CFAP54: variants seen among roughly 807,000 people sequenced by gnomAD.
CFAP54 encodes cilia- and flagella-associated protein 54.
A neutral mutation model predicts 370.4 loss-of-function variants in CFAP54; 290 were observed. That is an observed-to-expected ratio of 0.78 (90% CI 0.71 to 0.86). The LOEUF (loss-of-function observed/expected upper bound fraction) is 0.86. Among genes scored for constraint, CFAP54 ranks in the 40% least tolerant of loss-of-function variants. CFAP54 has a pLI of 0.00. For synonymous variants in CFAP54, 1,206 were observed against 1,236.5 expected, an observed-to-expected ratio of 0.98 and a Z score of 0.52; for missense variants, 3,399 against 3,528.7, an observed-to-expected ratio of 0.96 and a Z score of 0.93.
At chr12:96,503,834 G>A (rs902071677) in intron 2 of CFAP54, 52 bp from the exon 3 acceptor site, 3 of 1,345,936 alleles carry the variant, frequency 2.2e-6, no homozygotes, top group African/African-American at 3.0e-5. Flanking sequence ...ACCTAATAAT[G>A]ATAAGCTAAA....
At chr12:96,669,273 G>A (rs949683543) in intron 39 of CFAP54, among the ~76,000 whole-genome samples, 1 of 152,166 alleles carries the variant, frequency 6.6e-6, no homozygotes, top group African/African-American at 2.4e-5. Context: ...GAGAACTGAG[G>A]GGAGCTAGTT....
chr12:96,566,502 AAATG>A (rs1317608469), intron 19 of CFAP54, among the ~76,000 whole-genome samples: 1 of 152,182 alleles, frequency 6.6e-6, no homozygotes, highest in African/African-American at 2.4e-5. Context: ...TTTTTAAAAA[AAATG>A]AAGGTATGAG....
intron 34 of CFAP54, among the ~76,000 whole-genome samples, chr12:96,648,736 G>A (rs1592906827): frequency 6.6e-6 from 1 of 151,770 alleles, no homozygotes; most frequent in South Asian, 2.1e-4. Context: ...TTACAGGCAC[G>A]TGCCACCGCG....
intron 44 of CFAP54, among the ~76,000 whole-genome samples, chr12:96,692,601 G>GA (rs1447457465): frequency 3.3e-5 from 5 of 152,276 alleles, no homozygotes; most frequent in Admixed American, 1.3e-4. Flanking sequence ...CATAGTTATA[G>GA]AAAAATGTAT....
chr12:96,729,007 C>T (rs925199214), intron 50 of CFAP54, among the ~76,000 whole-genome samples: 8 of 152,284 alleles, frequency 5.3e-5, no homozygotes, highest in East Asian at 3.9e-4. Flanking sequence ...TCATGAACCG[C>T]GAATGCTGCT....
chr12:96,611,278 G>A (rs183624962), intron 26 of CFAP54, among the ~76,000 whole-genome samples: 61 of 152,334 alleles, frequency 4.0e-4, no homozygotes, highest in Admixed American at 7.8e-4. Flanking sequence ...GGCAAACAGC[G>A]TCTGGAGTGG....
At position 96,650,039 on chromosome 12, in the gene CFAP54, T is replaced by A. The variant is rs780224745; in HGVS notation, c.4839T>A (p.Phe1613Leu). 45 of 1,612,636 alleles carry A rather than the reference T, an allele frequency of 2.8e-5. No individual in the cohort carries two copies. Among genetic ancestry groups the A allele is most frequent in the Non-Finnish European group, 3.6e-5 (42 of 1,179,624 alleles). The change falls in exon 35 of 68, where the codon TTT (phenylalanine) becomes TTA (leucine). Residue 1613 changes from phenylalanine (F) to leucine (L), a missense_variant. By Grantham distance (22) the Phe-to-Leu change is conservative. Coordinates refer to ENST00000524981, the MANE Select transcript of CFAP54 (RefSeq NM_001306084.2). ...RGANLCVMDH[F>L]MKIFLYCRRA... ...CAAATTTGTGTGTAATGGATCATTT[T>A]ATGAAAATCTTTTTATACTGCAGGA... is the stretch of plus-strand genomic sequence containing the variant.
At chr12:96,628,571 T>G (rs889337501) in intron 30 of CFAP54, among the ~76,000 whole-genome samples, 2 of 152,170 alleles carry the variant, frequency 1.3e-5, no homozygotes, top group Non-Finnish European at 2.9e-5. Flanking sequence ...GGCTGCAAGT[T>G]GTGGAGGATG....
intron 43 of CFAP54, among the ~76,000 whole-genome samples, chr12:96,690,546 A>G (rs927281300): frequency 1.3e-5 from 2 of 152,194 alleles, no homozygotes; most frequent in African/African-American, 4.8e-5. Flanking sequence ...TAAGCAGGTA[A>G]AAGTTTGGAA....
intron 55 of CFAP54, among the ~76,000 whole-genome samples, chr12:96,746,679 G>A (rs1958117546): frequency 6.6e-6 from 1 of 152,144 alleles, no homozygotes; most frequent in East Asian, 1.9e-4. Flanking sequence ...GGTCCAAGCT[G>A]ACCTGTGCCC....
chr12:96,875,215 A>G lies in CFAP54; in HGVS notation c.*112A>G, dbSNP rs373910849. ...CTTTGGAAATTTGGTGAGAAGAAGT[A>G]GTCATGATTCAATGTCTTGCTTGCA... is the stretch of plus-strand genomic sequence containing the variant. On this transcript the variant is annotated 3_prime_UTR_variant, in exon 68 of 68. Transcript: ENST00000524981. 6.6e-6 allele frequency: 1 copy of G among 152,376 alleles called. No homozygotes were observed. Among genetic ancestry groups the G allele is most frequent in the African/African-American group, 2.4e-5 (1 of 41,584 alleles). 9.4% of individuals were successfully genotyped at this position (152,376 alleles called of 1,614,324 possible). A position where few individuals can be genotyped will look rare whatever the true frequency, so the allele number is the denominator to read the frequency against.
intron 67 of CFAP54, 107 bp downstream of exon 67, chr12:96,861,059 T>A: frequency 1.4e-6 from 1 of 733,682 alleles, no homozygotes; most frequent in Non-Finnish European, 2.0e-6. Flanking sequence ...TTACACAAGC[T>A]AAATTTCTTT....
chr12:96,670,391 T>C (rs1438523896), intron 39 of CFAP54, among the ~76,000 whole-genome samples: 2 of 152,210 alleles, frequency 1.3e-5, no homozygotes, highest in Non-Finnish European at 2.9e-5. Context: ...AGGTTTGTTA[T>C]TGTCTCTATT....
At chr12:96,641,294 A>G (rs1474408886) in intron 32 of CFAP54, among the ~76,000 whole-genome samples, 1 of 152,266 alleles carries the variant, frequency 6.6e-6, no homozygotes, top group Non-Finnish European at 1.5e-5. Flanking sequence ...TCTCAAAAGA[A>G]GACATCTATG....
intron 62 of CFAP54, among the ~76,000 whole-genome samples, chr12:96,787,559 T>C (rs1212666828): frequency 6.6e-6 from 1 of 152,182 alleles, no homozygotes; most frequent in Admixed American, 6.6e-5. Flanking sequence ...AATGAATGTG[T>C]TAAAAGACAC....
intron 22 of CFAP54, among the ~76,000 whole-genome samples, chr12:96,588,760 C>T (rs1956096969): frequency 6.6e-6 from 1 of 152,072 alleles, no homozygotes; most frequent in Non-Finnish European, 1.5e-5. Context: ...TAATGGAGTG[C>T]TTTTTAGGAA....
At chr12:96,638,036 A>G (rs1315276544) in intron 32 of CFAP54, among the ~76,000 whole-genome samples, 2 of 152,170 alleles carry the variant, frequency 1.3e-5, no homozygotes, top group Non-Finnish European at 2.9e-5. Flanking sequence ...TTAACGAAAC[A>G]TTTCTCAGAA....
rs181887004 is a variant in CFAP54 at position 96,612,183 on chromosome 12, G to T, written c.3640-9407G>T. On this transcript the variant is annotated intron_variant, in intron 26 of 67. Transcript: ENST00000524981. ...AAGGGAAGCCCATCAGACTAACAGT[G>T]GATCTCTCAGCAGAAACTCTACAAG... Among the ~76,000 whole-genome samples, 1,432 of 152,340 alleles carry T rather than the reference G, an allele frequency of 9.4e-3. 52 individuals carry two copies. The East Asian group carries it at 0.097, about 10-fold the overall frequency.
chr12:96,858,458 A>G (rs1301015150), intron 66 of CFAP54, among the ~76,000 whole-genome samples: 1 of 152,096 alleles, frequency 6.6e-6, no homozygotes, highest in Non-Finnish European at 1.5e-5. Flanking sequence ...GTTTACTCTT[A>G]TAGTTTCTTT....
Sources: allele counts gnomAD v4.1 joint callset (sites outside exome capture counted in the v4.1 genomes callset), GRCh38; gene constraint gnomAD v4.1.1; transcripts MANE v1.5; gene names NCBI Gene and HGNC (gene_info 2026-07-23, HGNC 2026-07-21).